Variants in PLCXD3 observed in about 807,000 individuals in gnomAD.
PLCXD3 encodes the protein phosphatidylinositol specific phospholipase C X domain containing 3, also known as PI-PLC X domain-containing protein 3.
In PLCXD3, 19 loss-of-function variants were observed where a neutral mutation model predicts 25.5. The observed-to-expected ratio is 0.75, with a 90% CI of 0.52 to 1.09. The LOEUF (loss-of-function observed/expected upper bound fraction) is 1.09. Ranked by LOEUF, PLCXD3 falls within the 50% of genes least tolerant of loss-of-function variation. The pLI is 0.00. For missense variants in PLCXD3, 411 were observed against 388.1 expected (o/e 1.06, Z -0.50); for synonymous variants, 174 against 137.6 (o/e 1.26, Z -1.85).
intron 1 of PLCXD3, among the ~76,000 whole-genome samples, chr5:41,484,121 T>C (rs1748468137): frequency 1.3e-5 from 2 of 152,128 alleles, no homozygotes; most frequent in Admixed American, 1.3e-4. Flanking sequence ...ATACCCATTT[T>C]AATATAAACA....
chr5:41,490,353 A>T (rs1185183919), intron 1 of PLCXD3, among the ~76,000 whole-genome samples: 1 of 151,988 alleles, frequency 6.6e-6, no homozygotes, highest in Non-Finnish European at 1.5e-5. Flanking sequence ...TTTATTGAGG[A>T]TTTTTGCTTC....
At chr5:41,484,013 C>A (rs1748466189) in intron 1 of PLCXD3, among the ~76,000 whole-genome samples, 1 of 152,028 alleles carries the variant, frequency 6.6e-6, no homozygotes, top group Non-Finnish European at 1.5e-5. Flanking sequence ...AATTATTGAT[C>A]TCACCTTCTA....
intron 2 of PLCXD3, among the ~76,000 whole-genome samples, chr5:41,356,424 A>G (rs1440503992): frequency 6.6e-6 from 1 of 152,246 alleles, no homozygotes; most frequent in African/African-American, 2.4e-5. Flanking sequence ...ATAAGGTGAC[A>G]CTGGGCAAAT....
rs557771498 is a variant in PLCXD3 at position 41,358,629 on chromosome 5, T to A, written c.812+23197A>T. Among the ~76,000 whole-genome samples, 372 of 152,308 alleles carry A rather than the reference T, an allele frequency of 2.4e-3. 2 individuals carry two copies. The highest frequency in any genetic ancestry group is 7.9e-3 in the African/African-American group (329 of 41,568). ...TCCATCCAGGCTGGTACGGATGCCA[T>A]TATTTCTTTCCTTTTTATGGCTGAG... On this transcript the variant is annotated intron_variant, in intron 2 of 2. Coordinates refer to ENST00000377801, the MANE Select transcript of PLCXD3 (RefSeq NM_001005473.3).
At chr5:41,500,859 G>C (rs549616738) in intron 1 of PLCXD3, among the ~76,000 whole-genome samples, 1 of 151,720 alleles carries the variant, frequency 6.6e-6, no homozygotes, top group South Asian at 2.1e-4. Flanking sequence ...CCTACAACTC[G>C]ATAGCAAAAA....
At chr5:41,452,288 G>T (rs1159798467) in intron 1 of PLCXD3, among the ~76,000 whole-genome samples, 2 of 152,036 alleles carry the variant, frequency 1.3e-5, no homozygotes, top group African/African-American at 4.8e-5. Context: ...CTAAGGAATG[G>T]CAAAGGGGAA....
In PLCXD3 at chr5:41,382,267, C is replaced by T. The variant is rs1484006347; in HGVS notation, c.371G>A (p.Gly124Asp). 3 of 1,613,714 alleles carry T rather than the reference C, an allele frequency of 1.9e-6. No individual in the cohort carries two copies. Among genetic ancestry groups the T allele is most frequent in the South Asian group, 2.2e-5 (2 of 91,084 alleles). ...HGLFSAKVNE[G>D]LEEINAFLTD... is the part of the protein sequence containing the mutation. ...GAGGAATGCATTGATCTCCTCAAGG[C>T]CTTCATTGACTTTGGCACTGAACAA... is the stretch of plus-strand genomic sequence containing the variant. The change falls in exon 2 of 3, where the codon GGC (glycine) becomes GAC (aspartate). Residue 124 changes from glycine to aspartate, a missense_variant. Coordinates refer to ENST00000377801, the MANE Select transcript of PLCXD3 (RefSeq NM_001005473.3).
At chr5:41,497,371 G>A (rs1266228093) in intron 1 of PLCXD3, among the ~76,000 whole-genome samples, 2 of 151,778 alleles carry the variant, frequency 1.3e-5, no homozygotes, top group Admixed American at 6.6e-5. Context: ...AAAAGAGAAT[G>A]GAATGGCCAT....
At chr5:41,355,452 C>T (rs745994951) in intron 2 of PLCXD3, among the ~76,000 whole-genome samples, 3 of 152,166 alleles carry the variant, frequency 2.0e-5, no homozygotes, top group Non-Finnish European at 4.4e-5. Flanking sequence ...ACCATAATAT[C>T]ATAATCCAAC....
intron 1 of PLCXD3, among the ~76,000 whole-genome samples, chr5:41,479,482 G>T (rs1748349487): frequency 6.6e-6 from 1 of 152,036 alleles, no homozygotes; most frequent in Admixed American, 6.6e-5. Flanking sequence ...GTTTAAAATG[G>T]TAAATTTTAT....
intron 2 of PLCXD3, among the ~76,000 whole-genome samples, chr5:41,349,939 T>G (rs1744404284): frequency 6.6e-6 from 1 of 151,526 alleles, no homozygotes; most frequent in Admixed American, 6.6e-5. Context: ...TTTTTTTTTT[T>G]GGTAGTGCTT....
intron 1 of PLCXD3, among the ~76,000 whole-genome samples, chr5:41,480,536 T>A (rs76136133): frequency 3.4e-4 from 51 of 152,146 alleles, no homozygotes; most frequent in South Asian, 2.3e-3. Flanking sequence ...TTTTTTTTTT[T>A]AATCTCACTC....
In PLCXD3 at chr5:41,503,982, T is replaced by C. The variant is rs200789712; in HGVS notation, c.103+6442A>G. Among the ~76,000 whole-genome samples the C allele has an allele frequency of 4.2e-4, 54 of 128,364 alleles. 1 individual carries two copies. In the South Asian group the frequency reaches 0.012, roughly 29 times the overall value. The allele number at this position is 128,364 out of a possible 152,430, so 84.2% of individuals were successfully genotyped here. A position where few individuals can be genotyped will look rare whatever the true frequency, so the allele number is the denominator to read the frequency against. ...GAATTAAAATGTGTGTGTGTGTGTG[T>C]GCACTTGTGTGTGTGTGTGTGTGTG... is the stretch of plus-strand genomic sequence containing the variant. On this transcript the variant is annotated intron_variant, in intron 1 of 2. Coordinates refer to ENST00000377801, the MANE Select transcript of PLCXD3 (RefSeq NM_001005473.3).
chr5:41,472,925 CAT>C (rs1296122364), intron 1 of PLCXD3, among the ~76,000 whole-genome samples: 3 of 151,926 alleles, frequency 2.0e-5, no homozygotes, highest in African/African-American at 7.3e-5. Context: ...CTAGAGAACA[CAT>C]GATTTAGAAA....
At chr5:41,317,715 T>A (rs1311646779) in intron 2 of PLCXD3, among the ~76,000 whole-genome samples, 1 of 151,720 alleles carries the variant, frequency 6.6e-6, no homozygotes, top group Non-Finnish European at 1.5e-5. Context: ...AGCTGAAAAA[T>A]GTAATTGGTA....
At chr5:41,423,266 A>G (rs1029224173) in intron 1 of PLCXD3, among the ~76,000 whole-genome samples, 2 of 152,114 alleles carry the variant, frequency 1.3e-5, no homozygotes, top group African/African-American at 4.8e-5. Flanking sequence ...TGCTGGAAAT[A>G]TACTTTGGTC....
intron 1 of PLCXD3, among the ~76,000 whole-genome samples, chr5:41,393,367 G>T (rs1438764493): frequency 6.6e-6 from 1 of 152,134 alleles, no homozygotes; most frequent in Non-Finnish European, 1.5e-5. Flanking sequence ...TCTGGCAGCA[G>T]ACTTTTTAGT....
intron 1 of PLCXD3, among the ~76,000 whole-genome samples, chr5:41,437,086 ACT>A (rs1367963406): frequency 1.3e-5 from 2 of 152,056 alleles, no homozygotes; most frequent in Non-Finnish European, 2.9e-5. Context: ...CACATTAAAG[ACT>A]CTGTACTTAT....
At chr5:41,320,140 G>A (rs72755961) in intron 2 of PLCXD3, among the ~76,000 whole-genome samples, 14,398 of 151,930 alleles carry the variant, frequency 0.095, 995 homozygotes, top group East Asian at 0.35. Flanking sequence ...AGAAAACCCC[G>A]AGACCTGATG....
Sources: allele counts gnomAD v4.1 joint callset (sites outside exome capture counted in the v4.1 genomes callset), GRCh38; gene constraint gnomAD v4.1.1; transcripts MANE v1.5; gene names NCBI Gene and HGNC (gene_info 2026-07-23, HGNC 2026-07-21).